Variants in TNFSF4 observed in about 807,000 individuals in gnomAD.
TNFSF4 encodes TNF superfamily member 4, also known as tumor necrosis factor ligand superfamily member 4.
TNFSF4 carries 4 observed loss-of-function variants against 7.3 expected under a neutral mutation model. That is an observed-to-expected ratio of 0.55 (90% CI 0.27 to 1.25). The LOEUF (loss-of-function observed/expected upper bound fraction) is 1.25, where lower values mean the gene tolerates loss of function less well. Among genes scored for constraint, TNFSF4 ranks in the 50% most tolerant of loss-of-function variants. The pLI, the probability that TNFSF4 is intolerant of heterozygous loss-of-function variation, is 0.12. For synonymous variants in TNFSF4, 76 were observed against 83.7 expected (o/e 0.91, Z 0.50); for missense variants, 181 against 208.8 (o/e 0.87, Z 0.82).
At chr1:173,320,504 AG>A in the TNFSF4 span, among the ~76,000 whole-genome samples, 963 of 152,306 alleles carry the variant, frequency 6.3e-3, 6 homozygotes, top group African/African-American at 0.022. Context: ...AAAGAAATAA[AG>A]GGTATTCAAA....
At chr1:173,321,364 C>G in the TNFSF4 span, among the ~76,000 whole-genome samples, 4 of 152,100 alleles carry the variant, frequency 2.6e-5, no homozygotes, top group Non-Finnish European at 5.9e-5. Context: ...AAACCCAAAA[C>G]CCTAAAAACC....
chr1:173,253,966 AT>A, the TNFSF4 span, among the ~76,000 whole-genome samples: 5 of 152,228 alleles, frequency 3.3e-5, no homozygotes, highest in Admixed American at 3.3e-4. Flanking sequence ...AGATGGAGGC[AT>A]TAGGTCTACT....
chr1:173,374,157 G>A, the TNFSF4 span, among the ~76,000 whole-genome samples: 1 of 152,154 alleles, frequency 6.6e-6, no homozygotes, highest in Non-Finnish European at 1.5e-5. Context: ...TATGCTATAT[G>A]GGTGACTTTT....
At chr1:173,250,667 G>T in the TNFSF4 span, among the ~76,000 whole-genome samples, 1 of 152,050 alleles carries the variant, frequency 6.6e-6, no homozygotes, top group African/African-American at 2.4e-5. Flanking sequence ...CACCATGTTA[G>T]CCAGGATGGT....
chr1:173,390,926 A>G, the TNFSF4 span, among the ~76,000 whole-genome samples: 4 of 151,558 alleles, frequency 2.6e-5, no homozygotes, highest in African/African-American at 9.7e-5. Flanking sequence ...TTGTATTTTT[A>G]GTAGAGACAG....
At chr1:173,432,173 G>A in the TNFSF4 span, among the ~76,000 whole-genome samples, 1 of 152,128 alleles carries the variant, frequency 6.6e-6, no homozygotes, top group Non-Finnish European at 1.5e-5. Flanking sequence ...TAAAGGGCGA[G>A]GGGTTGCTCC....
chr1:173,327,659 A>G, the TNFSF4 span, among the ~76,000 whole-genome samples: 3 of 152,074 alleles, frequency 2.0e-5, no homozygotes, highest in Non-Finnish European at 4.4e-5. Flanking sequence ...ATTTACAAGA[A>G]AAAAACAAAC....
At chr1:173,441,487 G>A in the TNFSF4 span, among the ~76,000 whole-genome samples, 2 of 152,152 alleles carry the variant, frequency 1.3e-5, no homozygotes, top group Admixed American at 1.3e-4. Flanking sequence ...AGCGAGGCAT[G>A]ATGGTGTGCA....
the TNFSF4 span, among the ~76,000 whole-genome samples, chr1:173,375,749 TA>T: frequency 6.6e-6 from 1 of 151,618 alleles, no homozygotes; most frequent in African/African-American, 2.4e-5. Context: ...AGGGGACAAA[TA>T]AGGGAATAAA....
chr1:173,411,614 A>T, the TNFSF4 span, among the ~76,000 whole-genome samples: 1 of 152,018 alleles, frequency 6.6e-6, no homozygotes, highest in East Asian at 1.9e-4. Context: ...AGCCTGGCCA[A>T]CATGGCAAAA....
At chr1:173,433,986 A>G in the TNFSF4 span, among the ~76,000 whole-genome samples, 2 of 152,196 alleles carry the variant, frequency 1.3e-5, no homozygotes, top group Non-Finnish European at 2.9e-5. Context: ...AGTGAAGATG[A>G]GTTATGCTGC....
At chr1:173,264,251 G>T in the TNFSF4 span, among the ~76,000 whole-genome samples, 1 of 151,472 alleles carries the variant, frequency 6.6e-6, no homozygotes, top group Non-Finnish European at 1.5e-5. Context: ...GAGCCCCAGA[G>T]ATCCTCCCAC....
At chr1:173,410,770 C>T in the TNFSF4 span, among the ~76,000 whole-genome samples, 3 of 152,188 alleles carry the variant, frequency 2.0e-5, no homozygotes, top group Non-Finnish European at 2.9e-5. Flanking sequence ...TTCCTACCTG[C>T]TGCTAGTGAG....
At chr1:173,180,331 G>A (rs549998067), downstream of TNFSF4, among the ~76,000 whole-genome samples, 1 of 152,056 alleles carries the variant, frequency 6.6e-6, no homozygotes, top group Admixed American at 6.6e-5. Context: ...TTCAACGCTT[G>A]GTGAGAAGAA....
the TNFSF4 span, among the ~76,000 whole-genome samples, chr1:173,379,495 C>T: frequency 2.6e-5 from 4 of 152,160 alleles, no homozygotes; most frequent in African/African-American, 9.7e-5. Flanking sequence ...ATATACTCCC[C>T]TGTCGCCTGA....
chr1:173,407,654 T>G, the TNFSF4 span, among the ~76,000 whole-genome samples: 9 of 150,572 alleles, frequency 6.0e-5, no homozygotes, highest in Admixed American at 6.0e-4. Flanking sequence ...ACTATCAGCA[T>G]GAATTCATGC....
At chr1:173,377,576 C>A in the TNFSF4 span, among the ~76,000 whole-genome samples, 1 of 152,172 alleles carries the variant, frequency 6.6e-6, no homozygotes, top group East Asian at 1.9e-4. Flanking sequence ...GCTTGTCAGA[C>A]AAACTTCCTC....
chr1:173,370,946 C>A, the TNFSF4 span, among the ~76,000 whole-genome samples: 1 of 151,968 alleles, frequency 6.6e-6, no homozygotes, highest in African/African-American at 2.4e-5. Flanking sequence ...AACAAGCCAC[C>A]CCCTCATCCA....
the TNFSF4 span, among the ~76,000 whole-genome samples, chr1:173,357,445 A>C: frequency 7.2e-5 from 11 of 152,186 alleles, no homozygotes; most frequent in Non-Finnish European, 4.4e-5. Context: ...ACAAACTAGA[A>C]AGTGAGAACC....
Sources: allele counts gnomAD v4.1 joint callset (sites outside exome capture counted in the v4.1 genomes callset), GRCh38; gene constraint gnomAD v4.1.1; transcripts MANE v1.5; gene names NCBI Gene and HGNC (gene_info 2026-07-23, HGNC 2026-07-21).